TSPAN18: variants seen among roughly 807,000 people sequenced by gnomAD.
TSPAN18 encodes the protein tetraspanin-18.
In TSPAN18, 14 loss-of-function variants were observed where a neutral mutation model predicts 27.3. The observed-to-expected ratio is 0.51, with a 90% CI of 0.34 to 0.80. The LOEUF is 0.80. TSPAN18 is among the 30% of genes least tolerant of loss of function. TSPAN18 has a pLI of 0.01. For synonymous variants in TSPAN18, 143 were observed against 136.5 expected (o/e 1.05, Z -0.33); for missense variants, 268 against 323.9 (o/e 0.83, Z 1.32).
At chr11:44,882,958 A>G (rs951705376) in intron 3 of TSPAN18, among the ~76,000 whole-genome samples, 1 of 152,224 alleles carries the variant, frequency 6.6e-6, no homozygotes, top group African/African-American at 2.4e-5. Flanking sequence ...TACTTCAGAC[A>G]CACAGAGGGC....
At chr11:44,821,731 T>A (rs1242899285) in intron 2 of TSPAN18, among the ~76,000 whole-genome samples, 2 of 152,194 alleles carry the variant, frequency 1.3e-5, no homozygotes, top group Non-Finnish European at 2.9e-5. Flanking sequence ...CTCTTCTATA[T>A]CCCTGACTAC....
At chr11:44,789,542 T>A (rs1197199608) in intron 2 of TSPAN18, among the ~76,000 whole-genome samples, 1 of 152,172 alleles carries the variant, frequency 6.6e-6, no homozygotes, top group Non-Finnish European at 1.5e-5. Context: ...AAAGTGAGGC[T>A]GGCTTTGGCA....
chr11:44,790,250 CGTGCATATGTTTATGTGTATGT>C (rs1565150312), intron 2 of TSPAN18, among the ~76,000 whole-genome samples: 1 of 143,410 alleles, frequency 7.0e-6, no homozygotes, highest in Non-Finnish European at 1.5e-5. Context: ...TGTGCCTGTG[CGTGCATATGTTTATGTGTATGT>C]GTGCATGTGT....
chr11:44,813,028 C>T (rs569290172), intron 2 of TSPAN18, among the ~76,000 whole-genome samples: 3 of 151,754 alleles, frequency 2.0e-5, no homozygotes, highest in South Asian at 2.1e-4. Context: ...ATAACCCTCA[C>T]CTTGCAGCAG....
intron 3 of TSPAN18, among the ~76,000 whole-genome samples, chr11:44,876,057 G>C (rs1311442971): frequency 6.6e-6 from 1 of 152,170 alleles, no homozygotes; most frequent in Non-Finnish European, 1.5e-5. Flanking sequence ...CCTGCATGGG[G>C]CTGGGGGTAC....
At chr11:44,882,688 CAGAG>C (rs1370532395) in intron 3 of TSPAN18, among the ~76,000 whole-genome samples, 4 of 150,366 alleles carry the variant, frequency 2.7e-5, no homozygotes, top group South Asian at 4.2e-4. Flanking sequence ...AGAGCAGAGA[CAGAG>C]AGACAAGACT....
At chr11:44,836,151 A>G (rs902655533) in intron 2 of TSPAN18, among the ~76,000 whole-genome samples, 4 of 152,214 alleles carry the variant, frequency 2.6e-5, no homozygotes, top group African/African-American at 7.2e-5. Context: ...ATTAAACTTC[A>G]TAAGGAAGGC....
At chr11:44,876,140 A>G (rs1858325274) in intron 3 of TSPAN18, among the ~76,000 whole-genome samples, 1 of 152,188 alleles carries the variant, frequency 6.6e-6, no homozygotes, top group Non-Finnish European at 1.5e-5. Context: ...CTTTTGTGGA[A>G]CAAAAGTTCT....
intron 1 of TSPAN18, among the ~76,000 whole-genome samples, chr11:44,743,084 G>A (rs1854984398): frequency 6.6e-6 from 1 of 152,194 alleles, no homozygotes; most frequent in South Asian, 2.1e-4. Context: ...ATCTTCCTGA[G>A]TCACCTCTGC....
At chr11:44,742,286 T>A (rs1172474938) in intron 1 of TSPAN18, among the ~76,000 whole-genome samples, 10 of 140,868 alleles carry the variant, frequency 7.1e-5, no homozygotes, top group Non-Finnish European at 1.4e-4. Flanking sequence ...CCTTCCTTCT[T>A]TCTTCCCTCC....
chr11:44,736,310 A>G (rs1387613616), intron 1 of TSPAN18: 1 of 152,246 alleles, frequency 6.6e-6, no homozygotes, highest in Admixed American at 6.5e-5. Context: ...ACATCAGCAT[A>G]TAGAAATTAC....
intron 2 of TSPAN18, among the ~76,000 whole-genome samples, chr11:44,813,062 C>T (rs1200406818): frequency 6.6e-6 from 1 of 152,258 alleles, no homozygotes; most frequent in Non-Finnish European, 1.5e-5. Flanking sequence ...TCTCTGTGCC[C>T]AGCTTCCTCA....
intron 1 of TSPAN18, among the ~76,000 whole-genome samples, chr11:44,760,503 C>T (rs1445377273): frequency 6.6e-6 from 1 of 152,168 alleles, no homozygotes; most frequent in Admixed American, 6.5e-5. Flanking sequence ...GGTATATATT[C>T]ATGGTGTGTG....
Position 44,919,841 on chromosome 11 carries a change from C to T in TSPAN18, c.457C>T (p.Pro153Ser). The change falls in exon 8 of 10, where the codon CCT becomes TCT. Residue 153 changes from proline (P) to serine (S), a missense_variant. Physicochemically the swap from Pro to Ser is moderately conservative, Grantham distance 74. Coordinates refer to ENST00000520358, the MANE Select transcript of TSPAN18 (RefSeq NM_130783.5). ...GTTTGGTTGCTGCGGGGTCAACGGG[C>T]CTGAAGACTTTAAGTTTGCATCTGT... is the stretch of plus-strand genomic sequence containing the variant. ...ITFGCCGVNG[P>S]EDFKFASVFR... 1 of 1,614,160 alleles carries T rather than the reference C, an allele frequency of 6.2e-7. No homozygotes were observed. Among genetic ancestry groups the T allele is most frequent in the Non-Finnish European group, 8.5e-7 (1 of 1,180,014 alleles).
chr11:44,735,753 A>G (rs1410433488), intron 1 of TSPAN18, among the ~76,000 whole-genome samples: 3 of 151,842 alleles, frequency 2.0e-5, no homozygotes, highest in Admixed American at 6.6e-5. Context: ...AGTAGTTGGG[A>G]CTACAGGTGC....
At chr11:44,802,325 G>T (rs557750520) in intron 2 of TSPAN18, among the ~76,000 whole-genome samples, 94 of 151,996 alleles carry the variant, frequency 6.2e-4, no homozygotes, top group East Asian at 2.0e-3. Flanking sequence ...TGAGGTGGGT[G>T]GGGGGAGAGC....
chr11:44,729,252 A>G (rs1487039764), intron 1 of TSPAN18, among the ~76,000 whole-genome samples: 1 of 152,156 alleles, frequency 6.6e-6, no homozygotes, highest in Non-Finnish European at 1.5e-5. Context: ...GGGGCTGGAA[A>G]ACAAAAGAAG....
chr11:44,739,176 T>G (rs1854869941), intron 1 of TSPAN18, among the ~76,000 whole-genome samples: 1 of 152,198 alleles, frequency 6.6e-6, no homozygotes, highest in Non-Finnish European at 1.5e-5. Context: ...GGACCTTTAC[T>G]TCTGCACCTA....
intron 2 of TSPAN18, among the ~76,000 whole-genome samples, chr11:44,803,008 A>G (rs1414934867): frequency 6.6e-6 from 1 of 152,152 alleles, no homozygotes; most frequent in Non-Finnish European, 1.5e-5. Context: ...TCTTTCACTC[A>G]CTACCCATTG....
Sources: gnomAD v4.1 joint callset for allele counts (sites outside exome capture counted in the v4.1 genomes callset) on GRCh38, gnomAD v4.1.1 for gene constraint, MANE v1.5 for transcripts, NCBI Gene and HGNC (gene_info 2026-07-23, HGNC 2026-07-21) for gene names.